The following DISP1 variants were observed in gnomAD, a reference collection of about 807,000 sequenced individuals.
DISP1 encodes dispatched RND transporter family member 1.
A neutral mutation model predicts 37.3 loss-of-function variants in DISP1; 30 were observed. That is an observed-to-expected ratio of 0.80 (90% CI 0.60 to 1.09). DISP1 has a LOEUF of 1.09. Ranked by LOEUF, DISP1 falls within the 50% of genes least tolerant of loss-of-function variation. The probability of loss-of-function intolerance (pLI) is 0.00; values close to 1 mark genes in which losing one functional copy is unlikely to be tolerated. For synonymous variants in DISP1, 634 were observed against 690.2 expected, an observed-to-expected ratio of 0.92 and a Z score of 1.28; for missense variants, 1,598 against 1,879.5, an observed-to-expected ratio of 0.85 and a Z score of 2.77.
intron 2 of DISP1, among the ~76,000 whole-genome samples, chr1:222,935,827 G>A (rs1673689018): frequency 6.6e-6 from 1 of 152,152 alleles, no homozygotes; most frequent in Non-Finnish European, 1.5e-5. Flanking sequence ...TAGCTGCTGA[G>A]GTTTTCTTAA....
chr1:222,895,292 C>A (rs1394350192), intron 1 of DISP1, among the ~76,000 whole-genome samples: 1 of 152,138 alleles, frequency 6.6e-6, no homozygotes, highest in East Asian at 1.9e-4. Flanking sequence ...TCATTAGGAA[C>A]CTTTTGTAGA....
At chr1:222,856,803 A>T (rs1038266352) in intron 1 of DISP1, among the ~76,000 whole-genome samples, 2 of 147,242 alleles carry the variant, frequency 1.4e-5, no homozygotes. Flanking sequence ...CTTCTGTTTC[A>T]AGCAGTCCTC....
chr1:222,954,496 G>T (rs1334416343), intron 3 of DISP1, among the ~76,000 whole-genome samples: 4 of 152,120 alleles, frequency 2.6e-5, no homozygotes, highest in African/African-American at 9.7e-5. Flanking sequence ...TCTGTAAAAA[G>T]TTAACAAAAC....
In DISP1 at chr1:223,003,007, G is replaced by A. The variant is rs773930993; in HGVS notation, c.1610G>A (p.Ser537Asn). Residue 537 changes from serine (S) to asparagine (N), a missense_variant, in exon 9 of 9, where the codon AGT becomes AAT. By Grantham distance (46) the Ser-to-Asn change is conservative (BLOSUM62 1). Coordinates refer to ENST00000675850, the MANE Select transcript of DISP1 (RefSeq NM_001377229.1). The surrounding 1 kb of genome is among the most constrained non-coding windows in gnomAD (Gnocchi z 4.3). ...ITLMTMFAIISSLIVSYFLYR... is the reference protein window; with the variant it reads ...ITLMTMFAIINSLIVSYFLYR... ...CTGATGACAATGTTTGCAATAATCA[G>A]TTCTTTGATTGTTTCCTATTTTCTC... 6.2e-7 allele frequency: 1 copy of A among 1,613,736 alleles called. No homozygotes were observed. The highest frequency in any genetic ancestry group is 8.5e-7 in the Non-Finnish European group (1 of 1,180,016).
intron 1 of DISP1, among the ~76,000 whole-genome samples, chr1:222,886,820 TGAA>T (rs1299903145): frequency 6.6e-6 from 1 of 152,262 alleles, no homozygotes; most frequent in Non-Finnish European, 1.5e-5. Context: ...GTAAGTGATT[TGAA>T]ACATCATATT....
chr1:222,955,771 T>G (rs541771081), intron 3 of DISP1, among the ~76,000 whole-genome samples: 2 of 152,318 alleles, frequency 1.3e-5, no homozygotes, highest in South Asian at 2.1e-4. Context: ...AGTCAGTAGC[T>G]TATAAAACTG....
chr1:222,900,096 GTAGTT>G (rs900819263), intron 1 of DISP1, among the ~76,000 whole-genome samples: 1 of 152,116 alleles, frequency 6.6e-6, no homozygotes, highest in Middle Eastern at 3.2e-3. Flanking sequence ...TAAAATACAG[GTAGTT>G]TAGTTCTTAA....
rs533805704 is a variant in DISP1, at chr1:222,913,060, A to C, written c.-158-15370A>C. Among the ~76,000 whole-genome samples, 256 of 152,288 alleles carry C rather than the reference A, an allele frequency of 1.7e-3. 1 individual carries two copies. Among genetic ancestry groups the C allele is most frequent in the African/African-American group, 6.0e-3 (248 of 41,562 alleles). The stretch of plus-strand genomic sequence containing the variant: ...AAACAAGAACTTTGTTCTTGAAAAA[A>C]CTTCTAATTAGACTTTAAAGTTTTG... On this transcript the variant is annotated intron_variant, in intron 1 of 8. Coordinates refer to ENST00000675850, the MANE Select transcript of DISP1 (RefSeq NM_001377229.1).
intron 1 of DISP1, among the ~76,000 whole-genome samples, chr1:222,898,533 G>A (rs1671402500): frequency 1.4e-5 from 2 of 142,234 alleles, no homozygotes; most frequent in South Asian, 4.6e-4. Flanking sequence ...TTTTACACAT[G>A]TGCCATGTAC....
intron 3 of DISP1, among the ~76,000 whole-genome samples, chr1:222,956,424 T>C (rs996312496): frequency 6.6e-6 from 1 of 152,228 alleles, no homozygotes; most frequent in Non-Finnish European, 1.5e-5. Flanking sequence ...TTTCCACTTA[T>C]ACATAATGAG....
intron 2 of DISP1, among the ~76,000 whole-genome samples, chr1:222,933,833 C>A (rs1049567042): frequency 3.9e-5 from 6 of 151,942 alleles, no homozygotes; most frequent in Non-Finnish European, 8.8e-5. Context: ...TTAAGACCAT[C>A]CTTTCTAGTT....
Position 223,002,639 on chromosome 1 carries a change from G to A in DISP1, c.1242G>A (p.Val414=), listed in dbSNP as rs1679546127. 1 of 1,614,158 alleles carries A rather than the reference G, an allele frequency of 6.2e-7. No homozygotes were observed. The highest frequency in any genetic ancestry group is 8.5e-7 in the Non-Finnish European group (1 of 1,180,032). The part of the protein sequence containing the change: ...RRKDQLKCTN[V]PRKCTKYNAV... ...AGGACCAGCTCAAGTGCACCAATGT[G>A]CCACGCAAATGTACCAAGTACAATG... Residue 414 remains valine, a synonymous_variant, in exon 9 of 9, where the codon GTG becomes GTA. Coordinates refer to ENST00000675850, the MANE Select transcript of DISP1 (RefSeq NM_001377229.1).
At chr1:222,914,830 G>A (rs1486786219) in intron 1 of DISP1, among the ~76,000 whole-genome samples, 5 of 151,988 alleles carry the variant, frequency 3.3e-5, no homozygotes, top group African/African-American at 1.2e-4. Flanking sequence ...AGCCGGGGAC[G>A]GTAGCCTGCC....
chr1:222,989,589 G>A, intron 4 of DISP1: 5 of 984,190 alleles, frequency 5.1e-6, no homozygotes, highest in Non-Finnish European at 6.0e-6. Context: ...TTTGGTAATA[G>A]AGACAGTTCT....
intron 3 of DISP1, among the ~76,000 whole-genome samples, chr1:222,950,840 A>G (rs1306525856): frequency 6.6e-6 from 1 of 152,216 alleles, no homozygotes; most frequent in Non-Finnish European, 1.5e-5. Context: ...GAGTAGTGGT[A>G]TTATTGCAAA....
At chr1:222,917,978 GATCTT>G (rs1181602804) in intron 1 of DISP1, among the ~76,000 whole-genome samples, 1 of 152,196 alleles carries the variant, frequency 6.6e-6, no homozygotes, top group Non-Finnish European at 1.5e-5. Flanking sequence ...GGGCAGAAGG[GATCTT>G]ATAACACGGT....
intron 1 of DISP1, among the ~76,000 whole-genome samples, chr1:222,820,957 A>T (rs1042961745): frequency 1.3e-5 from 2 of 151,816 alleles, no homozygotes; most frequent in East Asian, 1.9e-4. Context: ...TTATTTTTTT[A>T]AACTTATTTT....
rs141708085 is a variant in DISP1, at chr1:222,839,979, T to C, written c.-159+24901T>C. ...ACACCTAGCTTAATGAAGCCTAATC[T>C]AGCCTGTCTTAAATGTGCTCAGAAC... is the stretch of plus-strand genomic sequence containing the variant. On this transcript the variant is annotated intron_variant, in intron 1 of 8. Coordinates refer to ENST00000675850, the MANE Select transcript of DISP1 (RefSeq NM_001377229.1). Among the ~76,000 whole-genome samples the C allele has an allele frequency of 4.4e-3, 662 of 152,106 alleles. 5 individuals are homozygous for C. The highest frequency in any genetic ancestry group is 0.015 in the African/African-American group (623 of 41,486).
chr1:222,899,504 C>A (rs1671462174), intron 1 of DISP1, among the ~76,000 whole-genome samples: 1 of 152,060 alleles, frequency 6.6e-6, no homozygotes, highest in African/African-American at 2.4e-5. Flanking sequence ...TTAATTATGT[C>A]CTCACTGCCA....
Sources: gnomAD v4.1 joint callset for allele counts (sites outside exome capture counted in the v4.1 genomes callset) on GRCh38, gnomAD v4.1.1 for gene constraint, Gnocchi (gnomAD v3.1) non-coding constraint, MANE v1.5 for transcripts, NCBI Gene and HGNC (gene_info 2026-07-23, HGNC 2026-07-21) for gene names.